Variants in KIF26B observed in about 807,000 individuals in gnomAD.
The protein encoded by KIF26B is kinesin family member 26B.
In KIF26B, 63 loss-of-function variants were observed where a neutral mutation model predicts 151.2. That is an observed-to-expected ratio of 0.42 (90% CI 0.34 to 0.51). The LOEUF is 0.51. KIF26B is among the 20% of genes least tolerant of loss of function. The probability of loss-of-function intolerance (pLI) is 0.07; values close to 1 mark genes in which losing one functional copy is unlikely to be tolerated. For synonymous variants in KIF26B, 1,357 were observed against 1,262.1 expected (o/e 1.08, Z -1.59); for missense variants, 2,813 against 2,913.6 (o/e 0.97, Z 0.79).
chr1:245,243,877 AGAAAG>A (rs56034883), intron 2 of KIF26B, among the ~76,000 whole-genome samples: 147,586 of 151,298 alleles, frequency 0.98, 72,083 homozygotes, highest in Non-Finnish European at 1. Flanking sequence ...AGAAAAAGAA[AGAAAG>A]GAAAGGAAAG....
intron 2 of KIF26B, among the ~76,000 whole-genome samples, chr1:245,174,419 A>G (rs1668767407): frequency 6.6e-6 from 1 of 152,154 alleles, no homozygotes; most frequent in Non-Finnish European, 1.5e-5. Flanking sequence ...TCTAACAGTA[A>G]TACAAGAAAA....
intron 1 of KIF26B, among the ~76,000 whole-genome samples, chr1:245,155,906 C>T (rs1181678540): frequency 6.6e-6 from 1 of 152,136 alleles, no homozygotes; most frequent in Non-Finnish European, 1.5e-5. Context: ...CCCCCTACCC[C>T]CCCCATAGGG....
At chr1:245,204,465 C>T (rs1669360617) in intron 2 of KIF26B, among the ~76,000 whole-genome samples, 1 of 151,966 alleles carries the variant, frequency 6.6e-6, no homozygotes, top group African/African-American at 2.4e-5. Flanking sequence ...CATCCATCTC[C>T]CAGGTTCAAG....
chr1:245,456,680 T>C (rs1480369160), intron 4 of KIF26B, among the ~76,000 whole-genome samples: 1 of 152,196 alleles, frequency 6.6e-6, no homozygotes, highest in African/African-American at 2.4e-5. Flanking sequence ...AACTCTAGGA[T>C]TCTATTATTT....
At chr1:245,169,307 C>T (rs1573684574) in intron 2 of KIF26B, among the ~76,000 whole-genome samples, 1 of 135,424 alleles carries the variant, frequency 7.4e-6, no homozygotes, top group East Asian at 2.3e-4. Context: ...TGTCCATGCA[C>T]TCGACTTTCT....
intron 2 of KIF26B, among the ~76,000 whole-genome samples, chr1:245,157,506 C>T (rs1014613153): frequency 1.3e-5 from 2 of 152,164 alleles, no homozygotes; most frequent in African/African-American, 4.8e-5. Context: ...TTATTATTTC[C>T]GTGACTTTAG....
At chr1:245,434,424 T>A (rs1658853964) in intron 4 of KIF26B, among the ~76,000 whole-genome samples, 1 of 152,182 alleles carries the variant, frequency 6.6e-6, no homozygotes, top group Non-Finnish European at 1.5e-5. Flanking sequence ...TCTCTCCCTG[T>A]CTCTGCAGCT....
At chr1:245,339,351 T>C (rs1287199108) in intron 2 of KIF26B, among the ~76,000 whole-genome samples, 3 of 152,198 alleles carry the variant, frequency 2.0e-5, no homozygotes, top group African/African-American at 7.2e-5. Flanking sequence ...GCCATGTTGG[T>C]TTATTATTCT....
At chr1:245,256,310 G>C (rs987442410) in intron 2 of KIF26B, among the ~76,000 whole-genome samples, 1 of 152,178 alleles carries the variant, frequency 6.6e-6, no homozygotes, top group African/African-American at 2.4e-5. Flanking sequence ...TCCATGACAT[G>C]TACTAGCTGC....
At chr1:245,393,265 T>G (rs1386841112) in intron 3 of KIF26B, among the ~76,000 whole-genome samples, 2 of 152,254 alleles carry the variant, frequency 1.3e-5, no homozygotes, top group Non-Finnish European at 2.9e-5. Flanking sequence ...TGTTCTTTTC[T>G]GCTGTAATAA....
At chr1:245,182,553 G>A (rs1668924472) in intron 2 of KIF26B, among the ~76,000 whole-genome samples, 1 of 152,164 alleles carries the variant, frequency 6.6e-6, no homozygotes, top group African/African-American at 2.4e-5. Flanking sequence ...GTCAATTTGT[G>A]TGGACATATG....
chr1:245,517,784 G>A (rs775095100), intron 4 of KIF26B, among the ~76,000 whole-genome samples: 1 of 152,156 alleles, frequency 6.6e-6, no homozygotes, highest in Non-Finnish European at 1.5e-5. Flanking sequence ...GCAGGAGGTG[G>A]CTGGGAAGGG....
intron 2 of KIF26B, among the ~76,000 whole-genome samples, chr1:245,236,985 T>G (rs1464462684): frequency 6.6e-6 from 1 of 152,226 alleles, no homozygotes; most frequent in Non-Finnish European, 1.5e-5. Context: ...TTAAGGCCGA[T>G]CTGGGACTGA....
At chr1:245,236,119 G>A (rs1230754963) in intron 2 of KIF26B, among the ~76,000 whole-genome samples, 3 of 152,070 alleles carry the variant, frequency 2.0e-5, no homozygotes, top group South Asian at 2.1e-4. Flanking sequence ...TAGTCGAGAC[G>A]GGGTTTCACC....
At chr1:245,557,622 C>A (rs1662070945) in intron 5 of KIF26B, among the ~76,000 whole-genome samples, 1 of 152,156 alleles carries the variant, frequency 6.6e-6, no homozygotes. Flanking sequence ...TGTTCCAGAC[C>A]AGGAGAGGCT....
At chr1:245,469,444 A>T (rs1659862238) in intron 4 of KIF26B, among the ~76,000 whole-genome samples, 1 of 152,218 alleles carries the variant, frequency 6.6e-6, no homozygotes, top group Non-Finnish European at 1.5e-5. Flanking sequence ...GATGGGGGTT[A>T]TAGGTAGCAG....
chr1:245,623,117 ATAAC>A (rs1203322067), intron 9 of KIF26B, among the ~76,000 whole-genome samples: 5 of 148,720 alleles, frequency 3.4e-5, no homozygotes, highest in African/African-American at 1.2e-4. Flanking sequence ...ATTAAATCAT[ATAAC>A]TTGATGTTTT....
At chr1:245,472,719 G>C (rs937672546) in intron 4 of KIF26B, among the ~76,000 whole-genome samples, 5 of 152,160 alleles carry the variant, frequency 3.3e-5, no homozygotes, top group African/African-American at 4.8e-5. Context: ...TGTTGCCCTC[G>C]GATAACTCCA....
At chr1:245,289,468 C>A (rs1671220902) in intron 2 of KIF26B, among the ~76,000 whole-genome samples, 2 of 152,248 alleles carry the variant, frequency 1.3e-5, no homozygotes, top group African/African-American at 4.8e-5. Flanking sequence ...GAGAAGGAAC[C>A]AGATGCACCC....
Sources: gnomAD v4.1 joint callset for allele counts (sites outside exome capture counted in the v4.1 genomes callset) on GRCh38, gnomAD v4.1.1 for gene constraint, MANE v1.5 for transcripts, NCBI Gene and HGNC (gene_info 2026-07-23, HGNC 2026-07-21) for gene names.